SUMF1: variants seen among roughly 807,000 people sequenced by gnomAD.
SUMF1 encodes the protein sulfatase modifying factor 1, also known as formylglycine-generating enzyme.
SUMF1 carries 48 observed loss-of-function variants against 47.6 expected under a neutral mutation model. That is an observed-to-expected ratio of 1.01 (90% CI 0.80 to 1.28). SUMF1 has a LOEUF of 1.28. Among genes scored for constraint, SUMF1 ranks in the 50% most tolerant of loss-of-function variants. The pLI is 0.00. For synonymous variants in SUMF1, 230 were observed against 192.1 expected (o/e 1.20, Z -1.63); for missense variants, 571 against 485.4 (o/e 1.18, Z -1.66).
intron 8 of SUMF1, among the ~76,000 whole-genome samples, chr3:4,330,600 A>AT (rs1699030803): frequency 6.6e-6 from 1 of 152,164 alleles, no homozygotes; most frequent in South Asian, 2.1e-4. Flanking sequence ...CCCTTGACAC[A>AT]TGGGATTATT....
chr3:4,332,473 G>A (rs1471115746), intron 8 of SUMF1, among the ~76,000 whole-genome samples: 1 of 152,216 alleles, frequency 6.6e-6, no homozygotes, highest in Non-Finnish European at 1.5e-5. Flanking sequence ...TTTAAAGGGT[G>A]TAAGTAAAAG....
chr3:4,076,933 G>T (rs929035890), intron 8 of SUMF1, among the ~76,000 whole-genome samples: 49 of 152,046 alleles, frequency 3.2e-4, no homozygotes, highest in Admixed American at 5.9e-4. Context: ...GAACCCGAGA[G>T]GCAGAGCTTG....
At chr3:4,141,537 T>C (rs754613217) in intron 8 of SUMF1, among the ~76,000 whole-genome samples, 37 of 152,156 alleles carry the variant, frequency 2.4e-4, no homozygotes, top group Non-Finnish European at 4.6e-4. Context: ...GCGGCTCACA[T>C]CTTTAATTCC....
intron 8 of SUMF1, among the ~76,000 whole-genome samples, chr3:4,332,480 A>G (rs1699069230): frequency 6.6e-6 from 1 of 152,246 alleles, no homozygotes; most frequent in Non-Finnish European, 1.5e-5. Context: ...GGTGTAAGTA[A>G]AAGTTCAATT....
chr3:4,065,191 C>T (rs945063988), intron 9 of SUMF1, among the ~76,000 whole-genome samples: 7 of 152,070 alleles, frequency 4.6e-5, no homozygotes, highest in East Asian at 1.9e-4. Context: ...TAGTTTCTTC[C>T]GCATTTCAAG....
chr3:4,067,440 G>A (rs1695403017), intron 9 of SUMF1, among the ~76,000 whole-genome samples: 1 of 152,150 alleles, frequency 6.6e-6, no homozygotes, highest in Non-Finnish European at 1.5e-5. Context: ...CTGTTAAGTA[G>A]CTGCTTCTAG....
At chr3:4,420,717 T>C (rs1263603965) in intron 3 of SUMF1, among the ~76,000 whole-genome samples, 1 of 151,822 alleles carries the variant, frequency 6.6e-6, no homozygotes, top group Admixed American at 6.6e-5. Flanking sequence ...TTTTAAAAAG[T>C]GCATGGCTAG....
intron 7 of SUMF1, among the ~76,000 whole-genome samples, chr3:4,398,521 C>T (rs1701108875): frequency 6.6e-6 from 1 of 152,090 alleles, no homozygotes; most frequent in African/African-American, 2.4e-5. Context: ...CATACTATGA[C>T]ATGGGGAAGT....
At chr3:4,435,413 T>C (rs1162170522) in intron 3 of SUMF1, among the ~76,000 whole-genome samples, 1 of 152,130 alleles carries the variant, frequency 6.6e-6, no homozygotes, top group Non-Finnish European at 1.5e-5. Context: ...ACCTCTGGGA[T>C]ACTATCAAAA....
intron 8 of SUMF1, among the ~76,000 whole-genome samples, chr3:4,133,209 A>C (rs1246533337): frequency 6.6e-6 from 1 of 152,158 alleles, no homozygotes; most frequent in Admixed American, 6.5e-5. Context: ...CTCCTTTATC[A>C]TGTGACATAA....
chr3:4,400,666 G>A (rs1264863243), intron 7 of SUMF1, among the ~76,000 whole-genome samples: 1 of 152,130 alleles, frequency 6.6e-6, no homozygotes, highest in African/African-American at 2.4e-5. Context: ...GGCACAGTGA[G>A]TTAACCTCTC....
chr3:4,176,503 C>T (rs1559538802), intron 8 of SUMF1, among the ~76,000 whole-genome samples: 1 of 152,156 alleles, frequency 6.6e-6, no homozygotes, highest in Admixed American at 6.5e-5. Flanking sequence ...GATTTTGTCA[C>T]CACCAGGCCT....
At chr3:4,267,971 G>C (rs1697230135) in intron 8 of SUMF1, among the ~76,000 whole-genome samples, 1 of 142,678 alleles carries the variant, frequency 7.0e-6, no homozygotes, top group South Asian at 2.2e-4. Flanking sequence ...CAATAGCAAA[G>C]ACTTGGAACC....
At chr3:4,400,965 TC>T (rs369524107) in intron 7 of SUMF1, among the ~76,000 whole-genome samples, 9 of 90,852 alleles carry the variant, frequency 9.9e-5, no homozygotes, top group Non-Finnish European at 1.4e-4. Context: ...CCCTCCCCCC[TC>T]CCCCCACCCC....
intron 8 of SUMF1, among the ~76,000 whole-genome samples, chr3:4,203,136 T>G (rs1695575673): frequency 6.6e-6 from 1 of 151,846 alleles, no homozygotes; most frequent in Non-Finnish European, 1.5e-5. Context: ...AGTGTGATAG[T>G]TCTTCTTTGT....
chr3:4,093,973 T>C (rs1189157716), intron 8 of SUMF1, among the ~76,000 whole-genome samples: 1 of 152,014 alleles, frequency 6.6e-6, no homozygotes, highest in Non-Finnish European at 1.5e-5. Flanking sequence ...TGGAAAGAGA[T>C]TCGAAATAAG....
At chr3:4,411,005 G>A in intron 6 of SUMF1, 27 bp from the exon 7 acceptor site, 2 of 1,572,226 alleles carry the variant, frequency 1.3e-6, no homozygotes, top group Non-Finnish European at 1.8e-6. Flanking sequence ...GAAAAATGCT[G>A]TCAAACTATT....
chr3:4,082,712 T>C (rs1047547674), intron 8 of SUMF1, among the ~76,000 whole-genome samples: 5 of 152,004 alleles, frequency 3.3e-5, no homozygotes, highest in Non-Finnish European at 7.4e-5. Context: ...ATTACCTCTA[T>C]GAACTATTAA....
chr3:4,368,708 A>G (rs893537746), intron 8 of SUMF1, among the ~76,000 whole-genome samples: 1 of 152,190 alleles, frequency 6.6e-6, no homozygotes, highest in Non-Finnish European at 1.5e-5. Context: ...GCACTTGTAC[A>G]CTTGCATAAA....
Sources: gnomAD v4.1 joint callset for allele counts (sites outside exome capture counted in the v4.1 genomes callset) on GRCh38, gnomAD v4.1.1 for gene constraint, MANE v1.5 for transcripts, NCBI Gene and HGNC (gene_info 2026-07-23, HGNC 2026-07-21) for gene names.